KIAA0825: variants seen among roughly 807,000 people sequenced by gnomAD.
KIAA0825 encodes KIAA0825, also known as uncharacterized protein KIAA0825.
A neutral mutation model predicts 147.6 loss-of-function variants in KIAA0825; 119 were observed. The ratio of observed to expected loss-of-function variants is 0.81; its 90% CI spans 0.69 to 0.94. The LOEUF (loss-of-function observed/expected upper bound fraction) is 0.94, where lower values mean the gene tolerates loss of function less well. KIAA0825 is among the 40% of genes least tolerant of loss of function. The pLI, the probability that KIAA0825 is intolerant of heterozygous loss-of-function variation, is 0.00. For missense variants in KIAA0825, 1,381 were observed against 1,472.7 expected (o/e 0.94, Z 1.02); for synonymous variants, 470 against 518.1 (o/e 0.91, Z 1.26).
At chr5:94,323,083 C>T (rs941643514) in intron 20 of KIAA0825, among the ~76,000 whole-genome samples, 2 of 151,740 alleles carry the variant, frequency 1.3e-5, no homozygotes, top group Admixed American at 6.6e-5. Context: ...ATTTACTGCT[C>T]GATGGATATG....
chr5:94,322,449 C>T (rs577699354), intron 20 of KIAA0825, among the ~76,000 whole-genome samples: 1 of 152,044 alleles, frequency 6.6e-6, no homozygotes, highest in African/African-American at 2.4e-5. Flanking sequence ...ATCCGTTAAA[C>T]ATATAAGCTA....
At chr5:94,235,635 A>C (rs753113261) in intron 20 of KIAA0825, among the ~76,000 whole-genome samples, 1 of 152,242 alleles carries the variant, frequency 6.6e-6, no homozygotes, top group Non-Finnish European at 1.5e-5. Context: ...ACAGCCTTCT[A>C]TTGGAAGAAG....
chr5:94,562,663 T>C (rs988204202), intron 2 of KIAA0825, among the ~76,000 whole-genome samples: 1 of 152,230 alleles, frequency 6.6e-6, no homozygotes, highest in African/African-American at 2.4e-5. Flanking sequence ...TCTCTACAGT[T>C]AAGCATGCAT....
In KIAA0825 at chr5:94,270,126, G is replaced by A. The variant is rs59459851; in HGVS notation, c.3710+114242C>T. Among the ~76,000 whole-genome samples the A allele has an allele frequency of 5.2e-3, 793 of 152,108 alleles. 9 individuals are homozygous for A. Among genetic ancestry groups the A allele is most frequent in the African/African-American group, 0.018 (764 of 41,500 alleles). The stretch of plus-strand genomic sequence containing the variant: ...AATCCAAAACCTGAACCGAACAATA[G>A]TAAGTAATGAGATTGAAGCTGTAAT... On this transcript the variant is annotated intron_variant, in intron 20 of 20. Coordinates refer to ENST00000682413, the MANE Select transcript of KIAA0825 (RefSeq NM_001145678.3).
chr5:94,393,918 G>A (rs771081224), intron 17 of KIAA0825, among the ~76,000 whole-genome samples: 7 of 150,304 alleles, frequency 4.7e-5, no homozygotes, highest in South Asian at 2.1e-4. Flanking sequence ...GCGCAATCTC[G>A]GCTCACGGCA....
At chr5:94,338,985 C>A (rs966735842) in intron 20 of KIAA0825, among the ~76,000 whole-genome samples, 1 of 151,908 alleles carries the variant, frequency 6.6e-6, no homozygotes, top group African/African-American at 2.4e-5. Flanking sequence ...TTACATTTGC[C>A]TTATATAAAG....
intron 13 of KIAA0825, among the ~76,000 whole-genome samples, chr5:94,440,764 G>T (rs916795958): frequency 1.4e-4 from 22 of 151,918 alleles, no homozygotes; most frequent in African/African-American, 5.1e-4. Flanking sequence ...ACAGAAAATA[G>T]AAATCAGGTC....
chr5:94,587,048 T>C (rs1783439034), intron 1 of KIAA0825, among the ~76,000 whole-genome samples: 1 of 152,148 alleles, frequency 6.6e-6, no homozygotes, highest in Non-Finnish European at 1.5e-5. Context: ...TATCTCAAAA[T>C]AATAAGAGCT....
At chr5:94,473,602 TTTCA>T in intron 7 of KIAA0825, 83 bp from the exon 8 acceptor site, 1 of 873,338 alleles carries the variant, frequency 1.1e-6, no homozygotes, top group Non-Finnish European at 1.8e-6. Context: ...AAATTATTAC[TTTCA>T]TTCAACATGT....
At chr5:94,321,617 G>T (rs1156640405) in intron 20 of KIAA0825, among the ~76,000 whole-genome samples, 1 of 151,878 alleles carries the variant, frequency 6.6e-6, no homozygotes, top group Non-Finnish European at 1.5e-5. Context: ...CTAGCAAAAT[G>T]TACATTAGTT....
chr5:94,187,549 C>T (rs1298972247), intron 20 of KIAA0825, among the ~76,000 whole-genome samples: 2 of 151,600 alleles, frequency 1.3e-5, no homozygotes, highest in Non-Finnish European at 2.9e-5. Flanking sequence ...GCCTCAGTCT[C>T]CTGAGTAGCT....
intron 20 of KIAA0825, among the ~76,000 whole-genome samples, chr5:94,374,954 C>T (rs1747313274): frequency 6.6e-6 from 1 of 151,920 alleles, no homozygotes; most frequent in African/African-American, 2.4e-5. Context: ...ACCTTTCTAC[C>T]TTAAGAATAT....
chr5:94,608,779 A>T (rs1240598860), intron 1 of KIAA0825, among the ~76,000 whole-genome samples: 1 of 151,702 alleles, frequency 6.6e-6, no homozygotes, highest in Middle Eastern at 3.2e-3. Context: ...CAAAAATTAG[A>T]ATTTTGGAAA....
chr5:94,515,791 C>CAAAAAAAAAA (rs754577018), intron 5 of KIAA0825, among the ~76,000 whole-genome samples: 1 of 93,614 alleles, frequency 1.1e-5, no homozygotes, highest in African/African-American at 4.2e-5. Flanking sequence ...GACTCTGTCT[C>CAAAAAAAAAA]AAAAAAAAAA....
chr5:94,151,357 C>T lies in KIAA0825; in HGVS notation c.*2650G>A, dbSNP rs1289734830. Among the ~76,000 whole-genome samples the T allele has an allele frequency of 1.5e-5, 2 of 132,924 alleles. No individual in the cohort carries two copies. Among genetic ancestry groups the T allele is most frequent in the African/African-American group, 5.8e-5 (2 of 34,440 alleles). The allele number at this position is 132,924 out of a possible 152,430, so 87.2% of individuals were successfully genotyped here. A position where few individuals can be genotyped will look rare whatever the true frequency, so the allele number is the denominator to read the frequency against. The stretch of plus-strand genomic sequence containing the variant: ...GCGTGAACCCGGGAAGCGGAGCTTG[C>T]AGTGAGCCGAGATTGCGCCACTGCA... On this transcript the variant is annotated 3_prime_UTR_variant, in exon 21 of 21. Transcript: ENST00000682413.
intron 3 of KIAA0825, among the ~76,000 whole-genome samples, chr5:94,527,179 T>C: frequency 6.6e-6 from 1 of 152,090 alleles, no homozygotes; most frequent in Non-Finnish European, 1.5e-5. Context: ...TGTGTGTATG[T>C]ATATATGCAC....
intron 13 of KIAA0825, among the ~76,000 whole-genome samples, chr5:94,449,451 A>G (rs1758121333): frequency 6.6e-6 from 1 of 152,238 alleles, no homozygotes; most frequent in South Asian, 2.1e-4. Flanking sequence ...AAACACAATA[A>G]TAAACTAGGA....
intron 20 of KIAA0825, among the ~76,000 whole-genome samples, chr5:94,219,342 G>A (rs1773483272): frequency 6.6e-6 from 1 of 152,030 alleles, no homozygotes; most frequent in Non-Finnish European, 1.5e-5. Context: ...AGAGGAGGTG[G>A]AGCTCAGGTT....
At chr5:94,250,093 C>G (rs1562334225) in intron 20 of KIAA0825, among the ~76,000 whole-genome samples, 1 of 152,116 alleles carries the variant, frequency 6.6e-6, no homozygotes, top group Non-Finnish European at 1.5e-5. Context: ...CACACCAACA[C>G]ACAAATGAAC....
Sources: gnomAD v4.1 joint callset for allele counts (sites outside exome capture counted in the v4.1 genomes callset) on GRCh38, gnomAD v4.1.1 for gene constraint, MANE v1.5 for transcripts, NCBI Gene and HGNC (gene_info 2026-07-23, HGNC 2026-07-21) for gene names.